SGCZ: variants seen among roughly 807,000 people sequenced by gnomAD.
The protein encoded by SGCZ is sarcoglycan zeta.
In SGCZ, 40 loss-of-function variants were observed where a neutral mutation model predicts 41.3. That is an observed-to-expected ratio of 0.97 (90% CI 0.75 to 1.26). The LOEUF is 1.26. SGCZ is among the 50% of genes most tolerant of loss of function. The pLI, the probability that SGCZ is intolerant of heterozygous loss-of-function variation, is 0.00. For synonymous variants in SGCZ, 206 were observed against 137.5 expected, an observed-to-expected ratio of 1.50 and a Z score of -3.49; for missense variants, 552 against 369.8, an observed-to-expected ratio of 1.49 and a Z score of -4.04.
chr8:14,835,649 T>A (rs773842823), intron 1 of SGCZ, among the ~76,000 whole-genome samples: 1 of 152,224 alleles, frequency 6.6e-6, no homozygotes, highest in Non-Finnish European at 1.5e-5. Flanking sequence ...AATTTGATAT[T>A]CCACCATTTA....
chr8:14,731,740 C>T (rs1343069337), intron 1 of SGCZ, among the ~76,000 whole-genome samples: 1 of 151,898 alleles, frequency 6.6e-6, no homozygotes, highest in East Asian at 1.9e-4. Context: ...TTGTTCATTT[C>T]TGGGTCAATC....
intron 1 of SGCZ, among the ~76,000 whole-genome samples, chr8:14,846,518 C>G (rs962233326): frequency 2.0e-5 from 3 of 151,680 alleles, no homozygotes; most frequent in Non-Finnish European, 4.4e-5. Context: ...CCACGGATAA[C>G]AAAAGAAAAA....
At chr8:14,477,485 A>G (rs2116994747) in intron 2 of SGCZ, among the ~76,000 whole-genome samples, 1 of 152,300 alleles carries the variant, frequency 6.6e-6, no homozygotes, top group South Asian at 2.1e-4. Flanking sequence ...GAGTGTGGGT[A>G]GTAGAAATAC....
chr8:14,551,568 T>TTATATATAA (rs1803853801), intron 2 of SGCZ, among the ~76,000 whole-genome samples: 1 of 19,336 alleles, frequency 5.2e-5, no homozygotes, highest in Non-Finnish European at 7.8e-5. Flanking sequence ...ATTATATATA[T>TTATATATAA]AATATATATA....
intron 1 of SGCZ, among the ~76,000 whole-genome samples, chr8:15,084,789 G>C (rs768897131): frequency 6.6e-6 from 1 of 152,004 alleles, no homozygotes; most frequent in Non-Finnish European, 1.5e-5. Flanking sequence ...AAGAAATCAG[G>C]ATCCTATGTC....
chr8:14,702,982 C>CAGAG (rs974920379), intron 1 of SGCZ, among the ~76,000 whole-genome samples: 2 of 140,908 alleles, frequency 1.4e-5, no homozygotes, highest in Non-Finnish European at 3.1e-5. Context: ...GACAGACAGA[C>CAGAG]AGACAGATAG....
intron 1 of SGCZ, among the ~76,000 whole-genome samples, chr8:14,839,452 G>A (rs570966881): frequency 3.9e-5 from 6 of 152,214 alleles, no homozygotes; most frequent in Non-Finnish European, 5.9e-5. Flanking sequence ...ATTTATGTCT[G>A]GAGTTCAGGA....
At chr8:14,680,346 T>C (rs906108241) in intron 1 of SGCZ, among the ~76,000 whole-genome samples, 6 of 152,058 alleles carry the variant, frequency 3.9e-5, no homozygotes, top group Non-Finnish European at 4.4e-5. Flanking sequence ...ATGTAAACTT[T>C]CCGTATTAGT....
chr8:14,148,300 T>C (rs1055174246), intron 5 of SGCZ, among the ~76,000 whole-genome samples: 1 of 151,686 alleles, frequency 6.6e-6, no homozygotes, highest in Non-Finnish European at 1.5e-5. Flanking sequence ...TGACAAACCT[T>C]TAGCCAAACT....
intron 1 of SGCZ, among the ~76,000 whole-genome samples, chr8:14,660,569 C>G (rs1218046392): frequency 5.8e-5 from 3 of 51,832 alleles, no homozygotes; most frequent in African/African-American, 3.6e-4. Context: ...AAAACTCCAT[C>G]TCAAAAAAAA....
chr8:14,451,063 G>C (rs1028476340), intron 2 of SGCZ, among the ~76,000 whole-genome samples: 1 of 152,042 alleles, frequency 6.6e-6, no homozygotes, highest in Admixed American at 6.6e-5. Context: ...TGGTCCCCAA[G>C]GTCAAAACCA....
intron 4 of SGCZ, among the ~76,000 whole-genome samples, chr8:14,231,796 C>T (rs1347092195): frequency 2.6e-5 from 4 of 152,022 alleles, no homozygotes; most frequent in African/African-American, 7.2e-5. Flanking sequence ...GTGAGAAAAA[C>T]GTGTTTGTTT....
chr8:14,231,883 G>A (rs1046893982), intron 4 of SGCZ, among the ~76,000 whole-genome samples: 1 of 151,904 alleles, frequency 6.6e-6, no homozygotes, highest in African/African-American at 2.4e-5. Flanking sequence ...TTTATTACCA[G>A]GAACATCACT....
chr8:14,179,385 T>A (rs1804649665), intron 4 of SGCZ, among the ~76,000 whole-genome samples: 1 of 152,214 alleles, frequency 6.6e-6, no homozygotes, highest in African/African-American at 2.4e-5. Flanking sequence ...AGTATCCCTT[T>A]AGCAGAAGAT....
At chr8:14,643,001 TA>T (rs1461226689) in intron 1 of SGCZ, among the ~76,000 whole-genome samples, 1 of 151,618 alleles carries the variant, frequency 6.6e-6, no homozygotes, top group Non-Finnish European at 1.5e-5. Context: ...TGCTGAATAG[TA>T]TTTTTTAAAT....
At chr8:14,252,472 T>C (rs1799320751) in intron 3 of SGCZ, among the ~76,000 whole-genome samples, 1 of 152,186 alleles carries the variant, frequency 6.6e-6, no homozygotes, top group Non-Finnish European at 1.5e-5. Context: ...AAATCTAAAC[T>C]TGTGAATAAT....
rs1264438537 is a variant in SGCZ, at chr8:14,311,967, A to G, written c.336+12136T>C. 2.6e-5 allele frequency among the ~76,000 whole-genome samples: 4 copies of G among 152,274 alleles called. No individual in the cohort carries two copies. In the East Asian group the frequency reaches 7.7e-4, roughly 29 times the overall value. ...GAATAAACAAAGTGTTTCATATTTT[A>G]TAATGCAGATTCCATTACATATGTG... On this transcript the variant is annotated intron_variant, in intron 3 of 7. Coordinates refer to ENST00000382080, the MANE Select transcript of SGCZ (RefSeq NM_139167.4).
chr8:15,160,635 T>C (rs1799484186), intron 1 of SGCZ, among the ~76,000 whole-genome samples: 1 of 152,216 alleles, frequency 6.6e-6, no homozygotes, highest in African/African-American at 2.4e-5. Context: ...GTAGAAAACA[T>C]TTTCACATTA....
At chr8:14,130,236 G>C (rs935453391) in intron 5 of SGCZ, among the ~76,000 whole-genome samples, 2 of 151,280 alleles carry the variant, frequency 1.3e-5, no homozygotes, top group Admixed American at 1.3e-4. Context: ...ACACACACAC[G>C]CAATTTAATT....
Sources: gnomAD v4.1 joint callset for allele counts (sites outside exome capture counted in the v4.1 genomes callset) on GRCh38, gnomAD v4.1.1 for gene constraint, MANE v1.5 for transcripts, NCBI Gene and HGNC (gene_info 2026-07-23, HGNC 2026-07-21) for gene names.